Variants in ARHGEF10 observed in about 807,000 individuals in gnomAD.
The protein encoded by ARHGEF10 is Rho guanine nucleotide exchange factor 10.
ARHGEF10 carries 140 observed loss-of-function variants against 147.4 expected under a neutral mutation model. That is an observed-to-expected ratio of 0.95 (90% CI 0.83 to 1.09). The LOEUF (loss-of-function observed/expected upper bound fraction) is 1.09, where lower values mean the gene tolerates loss of function less well. Ranked by LOEUF, ARHGEF10 falls within the 50% of genes least tolerant of loss-of-function variation. ARHGEF10 has a pLI of 0.00. For missense variants in ARHGEF10, 2,222 were observed against 1,752.7 expected (o/e 1.27, Z -4.78); for synonymous variants, 902 against 695.8 (o/e 1.30, Z -4.67).
intron 10 of ARHGEF10, 62 bp from the exon 11 acceptor site, chr8:1,885,539 C>T (rs1472033156): frequency 1.0e-5 from 12 of 1,171,576 alleles, no homozygotes; most frequent in African/African-American, 1.5e-5. Flanking sequence ...TTTTACTGTA[C>T]TGTAGTGTTG....
intron 18 of ARHGEF10, among the ~76,000 whole-genome samples, chr8:1,915,214 C>A (rs1035149228): frequency 3.9e-5 from 6 of 152,154 alleles, no homozygotes; most frequent in African/African-American, 1.4e-4. Flanking sequence ...TGGGCGCTGA[C>A]TCCGGATGGA....
intron 4 of ARHGEF10, 68 bp from the exon 5 acceptor site, chr8:1,864,304 TA>T: frequency 6.7e-7 from 1 of 1,501,290 alleles, no homozygotes; most frequent in Non-Finnish European, 9.3e-7. Flanking sequence ...TTTTTAAGGG[TA>T]AAAACATCAA....
chr8:1,935,227 C>A (rs997114616), intron 26 of ARHGEF10, among the ~76,000 whole-genome samples: 7 of 152,094 alleles, frequency 4.6e-5, no homozygotes, highest in Non-Finnish European at 7.4e-5. Flanking sequence ...CACAACCCCC[C>A]ATCAGCCCCG....
Position 1,945,509 on chromosome 8 carries a change from G to A in ARHGEF10, c.3251G>A (p.Gly1084Asp), listed in dbSNP as rs1407678176. The A allele has an allele frequency of 6.8e-6, 11 of 1,611,236 alleles. No individual in the cohort carries two copies. Among genetic ancestry groups the A allele is most frequent in the Middle Eastern group, 1.7e-4 (1 of 6,060 alleles). ...CAGCTGGAGGCCCACCAGGAGGAAG[G>A]CATGGTGATCTCCCACATGGCCGTG... is the stretch of plus-strand genomic sequence containing the variant. ...EGQLEAHQEE[G>D]MVISHMAVSG... The change falls in exon 27 of 29, where the codon GGC becomes GAC. Residue 1084 changes from glycine (G) to aspartate (D), a missense_variant. By Grantham distance (94) the Gly-to-Asp change is moderately conservative. Coordinates refer to ENST00000349830, the MANE Select transcript of ARHGEF10 (RefSeq NM_014629.4).
At chr8:1,879,205 G>C (rs2129117467) in intron 8 of ARHGEF10, among the ~76,000 whole-genome samples, 1 of 152,292 alleles carries the variant, frequency 6.6e-6, no homozygotes, top group East Asian at 1.9e-4. Flanking sequence ...TGCATCTGAA[G>C]TGTCTGTGAC....
chr8:1,921,141 G>C (rs757812453), intron 18 of ARHGEF10, among the ~76,000 whole-genome samples: 20 of 152,078 alleles, frequency 1.3e-4, no homozygotes, highest in African/African-American at 4.3e-4. Context: ...AATTGCATTT[G>C]TCTAGATAGT....
chr8:1,896,360 T>C lies in ARHGEF10; in HGVS notation c.1468T>C (p.Tyr490His). The C allele has an allele frequency of 2.5e-6, 4 of 1,614,026 alleles. No homozygotes were observed. Among genetic ancestry groups the C allele is most frequent in the Non-Finnish European group, 3.4e-6 (4 of 1,179,968 alleles). The change falls in exon 14 of 29, where the codon TAC (tyrosine) becomes CAC (histidine). Residue 490 changes from tyrosine (Y) to histidine (H), a missense_variant. Coordinates refer to ENST00000349830, the MANE Select transcript of ARHGEF10 (RefSeq NM_014629.4). ...SFSKSMVLDA[Y>H]SEYVNNFSTA... ...TTCTAAGTCCATGGTGCTGGATGCA[T>C]ACAGTGAATATGTGAACAATTTCAG...
chr8:1,946,258 T>C (rs1046954106), intron 27 of ARHGEF10, among the ~76,000 whole-genome samples: 2 of 150,482 alleles, frequency 1.3e-5, no homozygotes, highest in African/African-American at 5.0e-5. Flanking sequence ...GTGGAAGGGC[T>C]GTTTTGCTTC....
In ARHGEF10 at chr8:1,900,357, G is replaced by A. The variant is rs532134661; in HGVS notation, c.1650+1832G>A. Among the ~76,000 whole-genome samples the A allele has an allele frequency of 3.9e-5, 6 of 152,172 alleles. No homozygotes were observed. In the East Asian group the frequency reaches 5.8e-4, roughly 15 times the overall value. On this transcript the variant is annotated intron_variant, in intron 15 of 28. Transcript: ENST00000349830. ...CACCTTCAGCCGTCCTGGGGAGGTCGTTGTCCCTTTTTTATGCGCTAGGAA... is the reference window on the plus strand; with the variant it reads ...CACCTTCAGCCGTCCTGGGGAGGTCATTGTCCCTTTTTTATGCGCTAGGAA...
At chr8:1,833,181 GGCAGAGACAGAA>G (rs150442230) in intron 1 of ARHGEF10, among the ~76,000 whole-genome samples, 62,085 of 143,064 alleles carry the variant, frequency 0.43, 14,260 homozygotes, top group Middle Eastern at 0.55. Flanking sequence ...AGCAGAGGGA[GGCAGAGACAGAA>G]GCAGAGACAG....
intron 27 of ARHGEF10, among the ~76,000 whole-genome samples, chr8:1,947,788 C>G: frequency 6.7e-6 from 1 of 150,062 alleles, no homozygotes; most frequent in East Asian, 2.0e-4. Context: ...GCTGCCTCTC[C>G]CGCCCGCCTC....
At chr8:1,858,206 TCCCAGGTGAGTC>T (rs1182370468) in intron 3 of ARHGEF10, 91 bp downstream of exon 3, 87 of 1,024,054 alleles carry the variant, frequency 8.5e-5, no homozygotes, top group Admixed American at 1.0e-4. Context: ...CCAGGTGAGT[TCCCAGGTGAGTC>T]CCCAGGTGAG....
chr8:1,866,536 G>C lies in ARHGEF10; in HGVS notation c.556G>C (p.Val186Leu), dbSNP rs561840793. Residue 186 changes from valine to leucine, a missense_variant, in exon 6 of 29, where the codon GTC (valine) becomes CTC (leucine). Val to Leu is a conservative substitution (Grantham distance 32, BLOSUM62 1). Transcript: ENST00000349830. ...SEEPPTSEDQ[V>L]GREDSALARW... The stretch of plus-strand genomic sequence containing the variant: ...TTTGTTTTCTTTAAGTGAAGATCAA[G>C]TCGGTCGAGAGGACAGCGCACTTGC... The C allele has an allele frequency of 1.2e-5, 19 of 1,611,492 alleles. No homozygotes were observed. The African/African-American group carries it at 2.1e-4, about 18-fold the overall frequency.
At chr8:1,869,089 T>G (rs1806864181) in intron 6 of ARHGEF10, 105 bp from the exon 7 acceptor site, 1 of 1,117,384 alleles carries the variant, frequency 8.9e-7, no homozygotes, top group Admixed American at 1.7e-5. Context: ...ATAAACCAAC[T>G]TTTTGAATAA....
intron 25 of ARHGEF10, among the ~76,000 whole-genome samples, chr8:1,930,456 T>C (rs1813034409): frequency 6.6e-6 from 1 of 152,214 alleles, no homozygotes. Flanking sequence ...ATATTTGTTA[T>C]TGAGCTTTTT....
intron 27 of ARHGEF10, among the ~76,000 whole-genome samples, chr8:1,950,865 C>A (rs1043360272): frequency 6.6e-6 from 1 of 151,848 alleles, no homozygotes; most frequent in Admixed American, 6.6e-5. Flanking sequence ...CAGGCATGAG[C>A]CACTGCGCCC....
chr8:1,873,598 C>A (rs1264042638), intron 7 of ARHGEF10, among the ~76,000 whole-genome samples: 1 of 127,858 alleles, frequency 7.8e-6, no homozygotes. Flanking sequence ...TTCCTAGTTG[C>A]CTTGAGAGGT....
At chr8:1,854,033 G>A (rs1226655742) in intron 2 of ARHGEF10, among the ~76,000 whole-genome samples, 1 of 152,230 alleles carries the variant, frequency 6.6e-6, no homozygotes, top group Non-Finnish European at 1.5e-5. Flanking sequence ...AATTGAACCT[G>A]TCAGGGCTGG....
rs543453354 is a variant in ARHGEF10 at position 1,937,734 on chromosome 8, C to T, written c.3222+3792C>T. 6.6e-6 allele frequency among the ~76,000 whole-genome samples: 1 copy of T among 152,204 alleles called. No individual in the cohort carries two copies. Among genetic ancestry groups the T allele is most frequent in the South Asian group, 2.1e-4 (1 of 4,830 alleles). On this transcript the variant is annotated intron_variant, in intron 26 of 28. Coordinates refer to ENST00000349830, the MANE Select transcript of ARHGEF10 (RefSeq NM_014629.4). The surrounding 1 kb of genome is among the most constrained non-coding windows in gnomAD (Gnocchi z 4.9). ...GGGTATGTGTCCGCCTTGCTGACAGCGAGGGCAGCAGCTGCGGGGGGATCC... is the reference window on the plus strand; with the variant it reads ...GGGTATGTGTCCGCCTTGCTGACAGTGAGGGCAGCAGCTGCGGGGGGATCC...
Sources: gnomAD v4.1 joint callset for allele counts (sites outside exome capture counted in the v4.1 genomes callset) on GRCh38, gnomAD v4.1.1 for gene constraint, Gnocchi (gnomAD v3.1) non-coding constraint, MANE v1.5 for transcripts, NCBI Gene and HGNC (gene_info 2026-07-23, HGNC 2026-07-21) for gene names.